The following PTPRM variants were observed in gnomAD, a reference collection of about 807,000 sequenced individuals.
PTPRM encodes the protein receptor-type tyrosine-protein phosphatase mu.
Under a neutral mutation model 186.7 loss-of-function variants are expected in PTPRM, and 47 were observed. The ratio of observed to expected loss-of-function variants is 0.25; its 90% CI spans 0.20 to 0.32. PTPRM has a LOEUF of 0.32. Ranked by LOEUF, PTPRM falls within the 10% of genes least tolerant of loss-of-function variation. PTPRM has a pLI of 1.00. For missense variants in PTPRM, 1,494 were observed against 1,865.0 expected, an observed-to-expected ratio of 0.80 and a Z score of 3.66; for synonymous variants, 668 against 674.9, an observed-to-expected ratio of 0.99 and a Z score of 0.16.
rs1378899462 is a variant in PTPRM at position 7,575,871 on chromosome 18, T to C, written c.73+7980T>C. 2.0e-5 allele frequency among the ~76,000 whole-genome samples: 3 copies of C among 152,176 alleles called. No individual in the cohort carries two copies. The East Asian group carries it at 5.8e-4, about 29-fold the overall frequency. ...TTCAGCCATTTTTCCTGCTTAAAACTCAGAAGACTAATGAGTCATCAAAAA... is the reference window on the plus strand; with the variant it reads ...TTCAGCCATTTTTCCTGCTTAAAACCCAGAAGACTAATGAGTCATCAAAAA... On this transcript the variant is annotated intron_variant, in intron 1 of 32. Coordinates refer to ENST00000580170, the MANE Select transcript of PTPRM (RefSeq NM_001105244.2).
At chr18:7,637,110 G>A (rs1164733067) in intron 1 of PTPRM, among the ~76,000 whole-genome samples, 1 of 149,630 alleles carries the variant, frequency 6.7e-6, no homozygotes, top group African/African-American at 2.5e-5. Flanking sequence ...GGAGGTTGCA[G>A]TGAGCTGAGA....
chr18:8,016,019 G>A (rs1276828117), intron 7 of PTPRM, among the ~76,000 whole-genome samples: 2 of 152,080 alleles, frequency 1.3e-5, no homozygotes, highest in African/African-American at 4.8e-5. Context: ...TTCTTCCTGT[G>A]TAAACACTGA....
intron 2 of PTPRM, among the ~76,000 whole-genome samples, chr18:7,868,198 A>G (rs1018441725): frequency 6.6e-6 from 1 of 151,992 alleles, no homozygotes; most frequent in Non-Finnish European, 1.5e-5. Flanking sequence ...CCTACTGTCA[A>G]TTTGTCAAAC....
At chr18:8,023,720 T>C (rs28379285) in intron 7 of PTPRM, among the ~76,000 whole-genome samples, 3,289 of 151,882 alleles carry the variant, frequency 0.022, 107 homozygotes, top group African/African-American at 0.075. Context: ...AGGAAAACTT[T>C]TTTAAAAACC....
rs1309699298 is a variant in PTPRM, at chr18:7,603,818, C to CTGCT, written c.73+35928_73+35931dup. Among the ~76,000 whole-genome samples the CTGCT allele has an allele frequency of 2.0e-5, 3 of 152,348 alleles. No homozygotes were observed. The East Asian group carries it at 5.8e-4, about 29-fold the overall frequency. On this transcript the variant is annotated intron_variant, in intron 1 of 32. Transcript: ENST00000580170. ...ATTCACAATGGAGCATTGATCCCTGCTGCTGTGTGGCACCCTGGCCTCTGC... is the reference window on the plus strand; with the variant it reads ...ATTCACAATGGAGCATTGATCCCTGCTGCTTGCTGTGTGGCACCCTGGCCTCTGC...
In PTPRM at chr18:7,949,192, G is replaced by T. The variant is rs758444691; in HGVS notation, c.675G>T (p.Val225=). The change falls in exon 6 of 33, where the codon GTG becomes GTT. Residue 225 remains valine (V), a synonymous_variant. Transcript: ENST00000580170. ...GDRLWLQGID[V]RDAPLKEIKV... is the part of the protein sequence containing the mutation. ...CCCACTTGATACAGGGCATTGATGT[G>T]CGAGATGCTCCTCTGAAGGAAATCA... 6.2e-7 allele frequency: 1 copy of T among 1,606,164 alleles called. No homozygotes were observed. Among genetic ancestry groups the T allele is most frequent in the East Asian group, 2.2e-5 (1 of 44,846 alleles).
intron 23 of PTPRM, among the ~76,000 whole-genome samples, chr18:8,368,994 A>G (rs147800759): frequency 6.6e-6 from 1 of 152,324 alleles, no homozygotes; most frequent in East Asian, 1.9e-4. Flanking sequence ...GCTCACATCT[A>G]TGGAGGAGTC....
chr18:7,843,016 T>C (rs1786378680), intron 2 of PTPRM, among the ~76,000 whole-genome samples: 1 of 148,714 alleles, frequency 6.7e-6, no homozygotes, highest in South Asian at 2.2e-4. Context: ...ATTCATGTAG[T>C]GCCTTTATGT....
chr18:7,852,700 A>G (rs1460603862), intron 2 of PTPRM, among the ~76,000 whole-genome samples: 3 of 151,558 alleles, frequency 2.0e-5, no homozygotes, highest in Admixed American at 2.0e-4. Context: ...TAAAAAAAAG[A>G]AAAGAAACAA....
intron 1 of PTPRM, among the ~76,000 whole-genome samples, chr18:7,576,386 G>A (rs1041648048): frequency 5.3e-5 from 8 of 152,178 alleles, no homozygotes; most frequent in African/African-American, 1.7e-4. Context: ...TCTAGCTATG[G>A]AATCAAAATG....
At chr18:7,892,345 C>T (rs962911924) in intron 3 of PTPRM, among the ~76,000 whole-genome samples, 1 of 152,170 alleles carries the variant, frequency 6.6e-6, no homozygotes, top group African/African-American at 2.4e-5. Context: ...AGGAATGATG[C>T]GGTTTATGAA....
rs1231316750 is a variant in PTPRM, at chr18:7,649,888, G to A, written c.73+81997G>A. On this transcript the variant is annotated intron_variant, in intron 1 of 32. Transcript: ENST00000580170. Reference sequence around the variant, plus strand: ...ATGACTAGCCATAGGCTCAGATAACGATTAGCATTTTTTTTAGCAATAACA... The same window carrying A: ...ATGACTAGCCATAGGCTCAGATAACAATTAGCATTTTTTTTAGCAATAACA... Among the ~76,000 whole-genome samples, 7 of 151,954 alleles carry A rather than the reference G, an allele frequency of 4.6e-5. No individual in the cohort carries two copies. In the East Asian group the frequency reaches 7.7e-4, roughly 17 times the overall value.
At position 7,901,267 on chromosome 18, in the gene PTPRM, G is replaced by C. The variant is rs1254932707; in HGVS notation, c.469-5238G>C. Among the ~76,000 whole-genome samples, 5 of 152,108 alleles carry C rather than the reference G, an allele frequency of 3.3e-5. No individual in the cohort carries two copies. The East Asian group carries it at 9.6e-4, about 29-fold the overall frequency. On this transcript the variant is annotated intron_variant, in intron 3 of 32. Transcript: ENST00000580170. ...GAGAGGTGTACATAATGGAAAATTT[G>C]CCAGATAGCCAGAGTTCACAACAGT...
At chr18:8,313,891 C>G (rs1229900168) in intron 20 of PTPRM, among the ~76,000 whole-genome samples, 1 of 152,058 alleles carries the variant, frequency 6.6e-6, no homozygotes, top group South Asian at 2.1e-4. Flanking sequence ...GTGGCTGACA[C>G]CTATAATCCT....
rs187410574 is a variant in PTPRM, at chr18:7,938,121, T to C, written c.664-11060T>C. The stretch of plus-strand genomic sequence containing the variant: ...ACTACTTTATTTATTTTATTGTTTA[T>C]TGTTTTTGGATCTTCTCATTGGAGA... On this transcript the variant is annotated intron_variant, in intron 5 of 32. Transcript: ENST00000580170. 1.2e-3 allele frequency among the ~76,000 whole-genome samples: 181 copies of C among 152,350 alleles called. 1 individual carries two copies. The highest frequency in any genetic ancestry group is 3.4e-3 in the Middle Eastern group (1 of 294).
chr18:8,227,644 C>A (rs1319442952), intron 14 of PTPRM, among the ~76,000 whole-genome samples: 1 of 152,156 alleles, frequency 6.6e-6, no homozygotes, highest in African/African-American at 2.4e-5. Context: ...GCGAGTTTAA[C>A]AAACATCATC....
At chr18:8,365,408 C>G (rs2095622563) in intron 23 of PTPRM, among the ~76,000 whole-genome samples, 1 of 152,232 alleles carries the variant, frequency 6.6e-6, no homozygotes, top group Non-Finnish European at 1.5e-5. Flanking sequence ...AGTGAGGCCA[C>G]AGATGTCAGA....
chr18:8,171,205 T>G (rs2093396156), intron 14 of PTPRM, among the ~76,000 whole-genome samples: 1 of 152,232 alleles, frequency 6.6e-6, no homozygotes, highest in Admixed American at 6.5e-5. Context: ...TTTAAAAAGT[T>G]GCAGTGTTTA....
rs562871962 is a variant in PTPRM at position 7,834,233 on chromosome 18, G to T, written c.197-53873G>T. ...TTTTGTTGATATGATGTATCACATC[G>T]ATTTTCATATGCTGAACCATCCTTG... On this transcript the variant is annotated intron_variant, in intron 2 of 32. Transcript: ENST00000580170. Among the ~76,000 whole-genome samples the T allele has an allele frequency of 5.9e-5, 9 of 151,744 alleles. 1 individual carries two copies. In the South Asian group the frequency reaches 1.9e-3, roughly 32 times the overall value.
Sources: gnomAD v4.1 joint callset for allele counts (sites outside exome capture counted in the v4.1 genomes callset) on GRCh38, gnomAD v4.1.1 for gene constraint, MANE v1.5 for transcripts, NCBI Gene and HGNC (gene_info 2026-07-23, HGNC 2026-07-21) for gene names.